The following CHN2 variants were observed in gnomAD, a reference collection of about 807,000 sequenced individuals.
CHN2 encodes the protein beta-chimaerin.
A neutral mutation model predicts 56.3 loss-of-function variants in CHN2; 35 were observed. The ratio of observed to expected loss-of-function variants is 0.62; its 90% confidence interval spans 0.47 to 0.82. The LOEUF is 0.82. Among genes scored for constraint, CHN2 ranks in the 40% least tolerant of loss-of-function variants. The pLI is 0.00. For missense variants in CHN2, 491 were observed against 580.5 expected, an observed-to-expected ratio of 0.85 and a Z score of 1.58; for synonymous variants, 210 against 212.8, an observed-to-expected ratio of 0.99 and a Z score of 0.12.
At chr7:29,480,206 A>T in intron 6 of CHN2, 73 bp from the exon 7 acceptor site, 16 of 1,613,734 alleles carry the variant, frequency 9.9e-6, no homozygotes, top group Non-Finnish European at 1.4e-5. Flanking sequence ...TGCTGGCCGT[A>T]GCCTTCGGGG....
At chr7:29,387,251 A>ATAG (rs1800986090) in intron 3 of CHN2, among the ~76,000 whole-genome samples, 1 of 152,184 alleles carries the variant, frequency 6.6e-6, no homozygotes, top group Non-Finnish European at 1.5e-5. Context: ...AATCTGTGAA[A>ATAG]CAGCCTTATT....
intron 2 of CHN2, among the ~76,000 whole-genome samples, chr7:29,360,622 A>G (rs1334902435): frequency 2.0e-5 from 3 of 152,226 alleles, no homozygotes; most frequent in Non-Finnish European, 4.4e-5. Flanking sequence ...AGCACCTACA[A>G]TTCCCTGCTT....
intron 1 of CHN2, among the ~76,000 whole-genome samples, chr7:29,238,389 C>A (rs552478226): frequency 6.6e-6 from 1 of 152,076 alleles, no homozygotes; most frequent in South Asian, 2.1e-4. Flanking sequence ...TGTCATCAGG[C>A]AGACCATTAA....
intron 1 of CHN2, among the ~76,000 whole-genome samples, chr7:29,240,629 G>A (rs1196866330): frequency 6.6e-6 from 1 of 152,032 alleles, no homozygotes; most frequent in Non-Finnish European, 1.5e-5. Context: ...GCCTCTTGGA[G>A]GAGACAAATA....
chr7:29,442,934 C>CTTTTTTTTTTTTTTT lies in CHN2; in HGVS notation c.577-37342_577-37328dup, dbSNP rs541792526. ...CATCGCTTTCAATTTCATTGAATTTCTTTTTTTTTTTTTTTTTGAGACGGA... is the reference window on the plus strand; with the variant it reads ...CATCGCTTTCAATTTCATTGAATTTCTTTTTTTTTTTTTTTTTTTTTTTTTTTTTTTTGAGACGGA... On this transcript the variant is annotated intron_variant, in intron 6 of 12. Coordinates refer to ENST00000222792, the MANE Select transcript of CHN2 (RefSeq NM_004067.4). 1.4e-3 allele frequency among the ~76,000 whole-genome samples: 145 copies of CTTTTTTTTTTTTTTT among 102,998 alleles called. 6 individuals carry two copies. The highest frequency in any genetic ancestry group is 6.1e-3 in the Middle Eastern group (1 of 164). 67.6% of individuals were successfully genotyped at this position (102,998 alleles called of 152,430 possible). A position where few individuals can be genotyped will look rare whatever the true frequency, so the allele number is the denominator to read the frequency against.
intron 1 of CHN2, among the ~76,000 whole-genome samples, chr7:29,214,015 A>T (rs1486880389): frequency 6.6e-6 from 1 of 152,210 alleles, no homozygotes; most frequent in Non-Finnish European, 1.5e-5. Flanking sequence ...AGTGACCTTA[A>T]TGAAATGAAG....
intron 1 of CHN2, among the ~76,000 whole-genome samples, chr7:29,218,849 T>G (rs1785550038): frequency 6.6e-6 from 1 of 150,668 alleles, no homozygotes; most frequent in African/African-American, 2.4e-5. Flanking sequence ...ATATACCTAA[T>G]GCTAAATGAC....
At chr7:29,480,384 T>C (rs776888965) in intron 7 of CHN2, 28 bp downstream of exon 7, 2 of 1,608,194 alleles carry the variant, frequency 1.2e-6, no homozygotes, top group Admixed American at 3.3e-5. Flanking sequence ...TTCCTTCTTC[T>C]GTTACAAAAG....
At chr7:29,458,741 A>G (rs1784947479) in intron 6 of CHN2, among the ~76,000 whole-genome samples, 1 of 152,210 alleles carries the variant, frequency 6.6e-6, no homozygotes, top group Non-Finnish European at 1.5e-5. Context: ...GTATTATCCA[A>G]ACGTCCTCTA....
intron 2 of CHN2, among the ~76,000 whole-genome samples, chr7:29,171,443 C>A (rs574858313): frequency 6.6e-6 from 1 of 152,086 alleles, no homozygotes; most frequent in Non-Finnish European, 1.5e-5. Flanking sequence ...TTAGAAGGAG[C>A]GCCACACCTC....
intron 6 of CHN2, among the ~76,000 whole-genome samples, chr7:29,417,249 A>G (rs1803853583): frequency 6.6e-6 from 1 of 152,310 alleles, no homozygotes; most frequent in South Asian, 2.1e-4. Context: ...GGAAGGAAGA[A>G]AAAAGGAAAA....
intron 6 of CHN2, among the ~76,000 whole-genome samples, chr7:29,408,718 G>C (rs1802893553): frequency 6.6e-6 from 1 of 152,208 alleles, no homozygotes; most frequent in Non-Finnish European, 1.5e-5. Context: ...TCAGGGGTCA[G>C]CTAGTGGTTT....
intron 1 of CHN2, among the ~76,000 whole-genome samples, chr7:29,297,707 C>T (rs947301789): frequency 7.9e-5 from 12 of 151,910 alleles, no homozygotes; most frequent in African/African-American, 2.9e-4. Context: ...TCTGGGTTCC[C>T]TCCCCACCGA....
intron 1 of CHN2, among the ~76,000 whole-genome samples, chr7:29,266,663 A>G (rs1388902545): frequency 6.6e-6 from 1 of 152,186 alleles, no homozygotes; most frequent in Non-Finnish European, 1.5e-5. Context: ...AAGGACTATG[A>G]TTTACCCAGG....
intron 7 of CHN2, among the ~76,000 whole-genome samples, chr7:29,493,196 C>T (rs574742021): frequency 6.6e-6 from 1 of 152,040 alleles, no homozygotes; most frequent in Non-Finnish European, 1.5e-5. Flanking sequence ...CAGTTGCCTA[C>T]AGTATTTAGT....
At chr7:29,293,560 CCTCA>C (rs772674278) in intron 1 of CHN2, among the ~76,000 whole-genome samples, 73 of 152,184 alleles carry the variant, frequency 4.8e-4, no homozygotes, top group Non-Finnish European at 4.9e-4. Flanking sequence ...TCTCTCCTTC[CCTCA>C]CTCAGCTCCA....
intron 1 of CHN2, among the ~76,000 whole-genome samples, chr7:29,218,872 G>T (rs1454835916): frequency 6.6e-6 from 1 of 151,146 alleles, no homozygotes; most frequent in Non-Finnish European, 1.5e-5. Flanking sequence ...GTTAATGGGT[G>T]CAGCACACCA....
At chr7:29,392,717 A>G (rs1337602898) in intron 3 of CHN2, among the ~76,000 whole-genome samples, 2 of 152,120 alleles carry the variant, frequency 1.3e-5, no homozygotes, top group Non-Finnish European at 2.9e-5. Context: ...ACTGCCCCAT[A>G]TCATGAAATC....
chr7:29,265,850 G>A (rs1161096010), intron 1 of CHN2, among the ~76,000 whole-genome samples: 1 of 152,166 alleles, frequency 6.6e-6, no homozygotes, highest in African/African-American at 2.4e-5. Flanking sequence ...GGCCCATGAA[G>A]TCTGTTTTAA....
Sources: allele counts gnomAD v4.1 joint callset (sites outside exome capture counted in the v4.1 genomes callset), GRCh38; gene constraint gnomAD v4.1.1; transcripts MANE v1.5; gene names NCBI Gene and HGNC (gene_info 2026-07-23, HGNC 2026-07-21).